The following CDK14 variants were observed in gnomAD, a reference collection of about 807,000 sequenced individuals.
CDK14 encodes cyclin-dependent kinase 14.
Under a neutral mutation model 60.7 loss-of-function variants are expected in CDK14, and 34 were observed. The observed-to-expected ratio is 0.56, with a 90% CI of 0.43 to 0.75. The LOEUF (loss-of-function observed/expected upper bound fraction) is 0.75. Among genes scored for constraint, CDK14 ranks in the 30% least tolerant of loss-of-function variants. CDK14 has a pLI of 0.00. For missense variants in CDK14, 482 were observed against 564.1 expected (o/e 0.85, Z 1.47); for synonymous variants, 197 against 203.7 (o/e 0.97, Z 0.28).
chr7:91,200,457 A>T (rs1211440151), intron 14 of CDK14, among the ~76,000 whole-genome samples: 1 of 152,224 alleles, frequency 6.6e-6, no homozygotes, highest in Non-Finnish European at 1.5e-5. Context: ...ACCAAACTCA[A>T]AGTGGCACCG....
chr7:90,650,206 C>T (rs1321168693), intron 2 of CDK14, among the ~76,000 whole-genome samples: 2 of 152,146 alleles, frequency 1.3e-5, no homozygotes, highest in African/African-American at 2.4e-5. Flanking sequence ...TCTCTGATGA[C>T]CAGTGATGAT....
At chr7:91,137,956 A>G (rs1400972843) in intron 14 of CDK14, among the ~76,000 whole-genome samples, 1 of 152,182 alleles carries the variant, frequency 6.6e-6, no homozygotes, top group Non-Finnish European at 1.5e-5. Flanking sequence ...CATTCCTTGG[A>G]CAGTGGATAA....
At chr7:90,680,013 T>C (rs1444668910) in intron 2 of CDK14, among the ~76,000 whole-genome samples, 1 of 152,152 alleles carries the variant, frequency 6.6e-6, no homozygotes, top group Non-Finnish European at 1.5e-5. Flanking sequence ...TAATCAAGTA[T>C]AAGGCGGTTA....
At chr7:91,012,384 C>T (rs1207137468) in intron 10 of CDK14, among the ~76,000 whole-genome samples, 1 of 152,146 alleles carries the variant, frequency 6.6e-6, no homozygotes, top group African/African-American at 2.4e-5. Flanking sequence ...ACTGAATCAT[C>T]AAGGGGACTT....
chr7:90,914,808 G>A (rs550073249), intron 7 of CDK14, among the ~76,000 whole-genome samples: 44 of 152,210 alleles, frequency 2.9e-4, no homozygotes, highest in Admixed American at 2.4e-3. Context: ...TTAGCTTCTC[G>A]AGAATTCCAT....
chr7:91,015,856 A>G (rs1177476771), intron 10 of CDK14, among the ~76,000 whole-genome samples: 2 of 152,110 alleles, frequency 1.3e-5, no homozygotes, highest in Non-Finnish European at 2.9e-5. Flanking sequence ...GCATCCTAAA[A>G]TGATAGTTGA....
In CDK14 at chr7:90,941,979, C is replaced by T. The variant is rs3757818; in HGVS notation, c.827-13718C>T. 1.3e-4 allele frequency among the ~76,000 whole-genome samples: 20 copies of T among 152,300 alleles called. No homozygotes were observed. The East Asian group carries it at 2.1e-3, about 16-fold the overall frequency. ...GGGCAAAGCTGACCCTTTTCTTAGTCGGCTACAATGCAGCTGATATCTGGC... is the reference window on the plus strand; with the variant it reads ...GGGCAAAGCTGACCCTTTTCTTAGTTGGCTACAATGCAGCTGATATCTGGC... On this transcript the variant is annotated intron_variant, in intron 8 of 14. Coordinates refer to ENST00000380050, the MANE Select transcript of CDK14 (RefSeq NM_001287135.2).
intron 11 of CDK14, among the ~76,000 whole-genome samples, chr7:91,075,744 T>C (rs1798285231): frequency 6.6e-6 from 1 of 152,200 alleles, no homozygotes; most frequent in South Asian, 2.1e-4. Flanking sequence ...AAAAACTTCT[T>C]AAGCTGATAA....
chr7:90,612,048 G>A (rs1174003559), intron 2 of CDK14, among the ~76,000 whole-genome samples: 1 of 152,060 alleles, frequency 6.6e-6, no homozygotes, highest in Non-Finnish European at 1.5e-5. Context: ...GGCTAGGTTG[G>A]TCATAAACTC....
chr7:91,033,819 C>T (rs1796834674), intron 10 of CDK14, among the ~76,000 whole-genome samples: 1 of 152,152 alleles, frequency 6.6e-6, no homozygotes, highest in Middle Eastern at 3.2e-3. Context: ...CAGTTGGGGA[C>T]TGAGTCTGAA....
intron 2 of CDK14, chr7:90,692,590 A>T (rs1801574634): frequency 3.5e-6 from 2 of 566,680 alleles, no homozygotes; most frequent in Non-Finnish European, 4.5e-6. Flanking sequence ...CAGACTAATG[A>T]TATGGACTAA....
chr7:90,661,105 CT>C (rs1193740188), intron 2 of CDK14, among the ~76,000 whole-genome samples: 2 of 152,190 alleles, frequency 1.3e-5, no homozygotes, highest in Non-Finnish European at 2.9e-5. Flanking sequence ...ATTCTGAAAA[CT>C]TTTCTGCCAA....
At chr7:90,848,056 T>G (rs1010377478) in intron 5 of CDK14, among the ~76,000 whole-genome samples, 4 of 152,120 alleles carry the variant, frequency 2.6e-5, no homozygotes, top group Non-Finnish European at 5.9e-5. Context: ...ATTCTGTTTG[T>G]TTTGTGTGTA....
At chr7:91,180,592 A>G (rs1562985009) in intron 14 of CDK14, among the ~76,000 whole-genome samples, 1 of 152,220 alleles carries the variant, frequency 6.6e-6, no homozygotes, top group Non-Finnish European at 1.5e-5. Flanking sequence ...GACTTCTACA[A>G]TAAAGATCAG....
intron 10 of CDK14, among the ~76,000 whole-genome samples, chr7:91,024,781 G>A (rs1049330864): frequency 6.6e-6 from 1 of 152,154 alleles, no homozygotes; most frequent in African/African-American, 2.4e-5. Context: ...CCAAACCTAG[G>A]TCTGGTAGAC....
At chr7:90,644,100 T>TA (rs1800407964) in intron 2 of CDK14, among the ~76,000 whole-genome samples, 1 of 152,216 alleles carries the variant, frequency 6.6e-6, no homozygotes, top group Non-Finnish European at 1.5e-5. Flanking sequence ...TCTCTCCCTC[T>TA]ACTCCGTGTG....
At chr7:90,988,321 A>G (rs755208818) in intron 10 of CDK14, among the ~76,000 whole-genome samples, 1 of 152,200 alleles carries the variant, frequency 6.6e-6, no homozygotes, top group Non-Finnish European at 1.5e-5. Context: ...ATTGTGATAC[A>G]TGCAAGAAAG....
At chr7:90,890,775 G>C (rs1165531514) in intron 6 of CDK14, among the ~76,000 whole-genome samples, 1 of 152,196 alleles carries the variant, frequency 6.6e-6, no homozygotes, top group Non-Finnish European at 1.5e-5. Context: ...AAATGGCATT[G>C]ATTGCTGTAG....
chr7:90,874,598 G>A (rs1285758673), intron 6 of CDK14, among the ~76,000 whole-genome samples: 8 of 125,220 alleles, frequency 6.4e-5, no homozygotes, highest in Admixed American at 3.0e-4. Flanking sequence ...GCGCAATCTC[G>A]GCTCACTGCA....
Sources: allele counts gnomAD v4.1 joint callset (sites outside exome capture counted in the v4.1 genomes callset), GRCh38; gene constraint gnomAD v4.1.1; transcripts MANE v1.5; gene names NCBI Gene and HGNC (gene_info 2026-07-23, HGNC 2026-07-21).